OSBPL2: variants seen among roughly 807,000 people sequenced by gnomAD.
OSBPL2 encodes the protein oxysterol binding protein like 2.
A neutral mutation model predicts 58.4 loss-of-function variants in OSBPL2; 18 were observed. The ratio of observed to expected loss-of-function variants is 0.31; its 90% CI spans 0.21 to 0.46. The LOEUF (loss-of-function observed/expected upper bound fraction) is 0.46. Ranked by LOEUF, OSBPL2 falls within the 20% of genes least tolerant of loss-of-function variation. The pLI is 1.00. For missense variants in OSBPL2, 461 were observed against 616.5 expected, an observed-to-expected ratio of 0.75 and a Z score of 2.67; for synonymous variants, 221 against 234.1, an observed-to-expected ratio of 0.94 and a Z score of 0.51.
intron 6 of OSBPL2, among the ~76,000 whole-genome samples, chr20:62,275,578 G>C (rs1208001301): frequency 6.6e-6 from 1 of 152,128 alleles, no homozygotes; most frequent in African/African-American, 2.4e-5. Context: ...CTCCCAAGTA[G>C]CTGGAACTAC....
chr20:62,273,670 G>A (rs562737327), intron 6 of OSBPL2, among the ~76,000 whole-genome samples: 4 of 152,328 alleles, frequency 2.6e-5, no homozygotes, highest in South Asian at 2.1e-4. Context: ...GAGATAGCGC[G>A]CACTGTAGAC....
intron 1 of OSBPL2, among the ~76,000 whole-genome samples, chr20:62,243,697 G>A (rs1979892113): frequency 6.6e-6 from 1 of 152,114 alleles, no homozygotes; most frequent in Non-Finnish European, 1.5e-5. Flanking sequence ...GGTCCTCAGC[G>A]GGGAGTCCAA....
rs371788894 is a variant in OSBPL2 at position 62,241,616 on chromosome 20, C to T, written c.-129+3019C>T. Among the ~76,000 whole-genome samples the T allele has an allele frequency of 6.6e-5, 10 of 152,242 alleles. No homozygotes were observed. The East Asian group carries it at 1.2e-3, about 18-fold the overall frequency. ...TCACAGCATCTTTGCGAAGGTGGTG[C>T]GCCAGACCAGGGCTCTTGGGTCCTG... On this transcript the variant is annotated intron_variant, in intron 1 of 13. Coordinates refer to ENST00000313733, the MANE Select transcript of OSBPL2 (RefSeq NM_144498.4).
chr20:62,286,517 T>C (rs1568851839), intron 10 of OSBPL2, 66 bp from the exon 11 acceptor site: 1 of 1,553,596 alleles, frequency 6.4e-7, no homozygotes, highest in Non-Finnish European at 8.8e-7. Context: ...GCTCTGAGAA[T>C]AGCTGTCCTC....
Position 62,281,334 on chromosome 20 carries a change from T to C in OSBPL2, c.782+169T>C, listed in dbSNP as rs550540033. On this transcript the variant is annotated intron_variant, in intron 8 of 13. Transcript: ENST00000313733. ...GCTGCCTAGACTTGACTCTGACCGGTGTTGGCCATGAATGCTCCTCGTTCA... is the reference window on the plus strand; with the variant it reads ...GCTGCCTAGACTTGACTCTGACCGGCGTTGGCCATGAATGCTCCTCGTTCA... 4.5e-3 allele frequency: 2,675 copies of C among 588,702 alleles called. 17 individuals are homozygous for C. Among genetic ancestry groups the C allele is most frequent in the South Asian group, 0.01 (508 of 48,520 alleles). 36.5% of individuals were successfully genotyped at this position (588,702 alleles called of 1,614,324 possible).
chr20:62,263,604 T>C lies in OSBPL2; in HGVS notation c.183-12T>C. 1 of 1,613,406 alleles carries C rather than the reference T, an allele frequency of 6.2e-7. No individual in the cohort carries two copies. Among genetic ancestry groups the C allele is most frequent in the Non-Finnish European group, 8.5e-7 (1 of 1,179,338 alleles). ...TGAATTCACCCACACGCACCCCTTT[T>C]GTGCTTCGCAGGACATCGCTGCCGG... is the stretch of plus-strand genomic sequence containing the variant. On this transcript the variant is annotated splice_polypyrimidine_tract_variant and intron_variant, in intron 3 of 13. Coordinates refer to ENST00000313733, the MANE Select transcript of OSBPL2 (RefSeq NM_144498.4).
chr20:62,245,051 C>A (rs1980009680), intron 1 of OSBPL2, among the ~76,000 whole-genome samples: 1 of 151,986 alleles, frequency 6.6e-6, no homozygotes, highest in South Asian at 2.1e-4. Context: ...AGGGTTGAGC[C>A]ATTCGTGTGT....
chr20:62,239,045 G>T (rs1431145953), intron 1 of OSBPL2: 5 of 152,090 alleles, frequency 3.3e-5, no homozygotes, highest in Non-Finnish European at 7.4e-5. Flanking sequence ...GATTTCGTGC[G>T]CATTTAGGGC....
intron 1 of OSBPL2, among the ~76,000 whole-genome samples, chr20:62,247,348 GA>G (rs923161010): frequency 2.4e-4 from 36 of 152,346 alleles, no homozygotes; most frequent in African/African-American, 7.7e-4. Flanking sequence ...GCCTCTTGTG[GA>G]GCAGAACCAG....
chr20:62,264,014 G>A (rs963005052), intron 4 of OSBPL2, among the ~76,000 whole-genome samples: 7 of 149,404 alleles, frequency 4.7e-5, no homozygotes, highest in Non-Finnish European at 7.4e-5. Context: ...GCAGTGAGCC[G>A]AGATCGTGCC....
At chr20:62,256,600 G>C (rs188957633) in intron 2 of OSBPL2, among the ~76,000 whole-genome samples, 1 of 152,300 alleles carries the variant, frequency 6.6e-6, no homozygotes, top group East Asian at 1.9e-4. Context: ...CTGCAGCTGC[G>C]CTCACAGCCG....
intron 1 of OSBPL2, among the ~76,000 whole-genome samples, chr20:62,241,229 G>GGCGCGAACTCGGCTCACTGCAA (rs1379030552): frequency 1.3e-5 from 2 of 151,736 alleles, no homozygotes; most frequent in Non-Finnish European, 2.9e-5. Flanking sequence ...GGAGTGCAGT[G>GGCGCGAACTCGGCTCACTGCAA]GCGCGAACTC....
At chr20:62,254,603 G>T (rs1358837097) in intron 1 of OSBPL2, among the ~76,000 whole-genome samples, 1 of 152,242 alleles carries the variant, frequency 6.6e-6, no homozygotes. Context: ...TGCCCCGTGC[G>T]GCTGTGGCAG....
At chr20:62,261,825 G>A (rs1981331486) in intron 3 of OSBPL2, among the ~76,000 whole-genome samples, 1 of 152,158 alleles carries the variant, frequency 6.6e-6, no homozygotes, top group Non-Finnish European at 1.5e-5. Context: ...GAGTTCAGTG[G>A]CGTGACCTCG....
rs937960534 is a variant in OSBPL2 at position 62,269,514 on chromosome 20, C to G, written c.259-2611C>G. 6.6e-6 allele frequency among the ~76,000 whole-genome samples: 1 copy of G among 152,152 alleles called. No homozygotes were observed. The highest frequency in any genetic ancestry group is 1.5e-5 in the Non-Finnish European group (1 of 68,018). ...CCTGGGTGGGAGTTGCACACAGTTG[C>G]GATACCATCTCTCCTCTCCTGAGCA... On this transcript the variant is annotated intron_variant, in intron 4 of 13. Coordinates refer to ENST00000313733, the MANE Select transcript of OSBPL2 (RefSeq NM_144498.4). The surrounding 1 kb of genome is among the most constrained non-coding windows in gnomAD (Gnocchi z 4.2).
chr20:62,256,246 G>A (rs1457552140), intron 2 of OSBPL2, 25 bp downstream of exon 2: 2 of 1,606,446 alleles, frequency 1.2e-6, no homozygotes, highest in South Asian at 2.2e-5. Context: ...AACCAACTGG[G>A]GACGTACTGG....
chr20:62,245,908 C>A (rs550066357), intron 1 of OSBPL2, among the ~76,000 whole-genome samples: 1 of 152,102 alleles, frequency 6.6e-6, no homozygotes, highest in African/African-American at 2.4e-5. Flanking sequence ...GATTTTTTTC[C>A]TCGACAATTG....
At chr20:62,254,284 A>G (rs765697142) in intron 1 of OSBPL2, among the ~76,000 whole-genome samples, 2 of 152,206 alleles carry the variant, frequency 1.3e-5, no homozygotes, top group Non-Finnish European at 2.9e-5. Flanking sequence ...CTGGGCAGGC[A>G]GCTTCCTTGC....
Position 62,294,373 on chromosome 20 carries a change from T to G in OSBPL2, c.*486T>G, listed in dbSNP as rs1011104651. On this transcript the variant is annotated 3_prime_UTR_variant, in exon 14 of 14. Coordinates refer to ENST00000313733, the MANE Select transcript of OSBPL2 (RefSeq NM_144498.4). ...AGAGGCCAGGGATTGCCTTCTAAAT[T>G]ATGATAAAACAGAAGTGAAGAGTTT... The G allele has an allele frequency of 1.9e-5, 3 of 154,884 alleles. No homozygotes were observed. The highest frequency in any genetic ancestry group is 4.3e-5 in the Non-Finnish European group (3 of 69,692). 9.6% of individuals were successfully genotyped at this position (154,884 alleles called of 1,614,324 possible).
Sources: gnomAD v4.1 joint callset for allele counts (sites outside exome capture counted in the v4.1 genomes callset) on GRCh38, gnomAD v4.1.1 for gene constraint, Gnocchi (gnomAD v3.1) non-coding constraint, MANE v1.5 for transcripts, NCBI Gene and HGNC (gene_info 2026-07-23, HGNC 2026-07-21) for gene names.